The following GNAI1 variants were observed in gnomAD, a reference collection of about 807,000 sequenced individuals.
GNAI1 encodes the protein G protein subunit alpha i1.
A neutral mutation model predicts 38.9 loss-of-function variants in GNAI1; 11 were observed. The observed-to-expected ratio is 0.28, with a 90% CI of 0.18 to 0.47. The LOEUF (loss-of-function observed/expected upper bound fraction) is 0.47, where lower values mean the gene tolerates loss of function less well. Ranked by LOEUF, GNAI1 falls within the 20% of genes least tolerant of loss-of-function variation. The pLI, the probability that GNAI1 is intolerant of heterozygous loss-of-function variation, is 0.99. For synonymous variants in GNAI1, 166 were observed against 145.1 expected (o/e 1.14, Z -1.04); for missense variants, 317 against 436.9 (o/e 0.73, Z 2.45).
intron 4 of GNAI1, among the ~76,000 whole-genome samples, chr7:80,202,406 C>T (rs1412746020): frequency 2.0e-5 from 3 of 152,052 alleles, no homozygotes; most frequent in Non-Finnish European, 4.4e-5. Context: ...CGGTTTTAAG[C>T]AAAGAAATCT....
rs146332459 is a variant in GNAI1 at position 80,214,127 on chromosome 7, G to A, written c.874+1258G>A. Among the ~76,000 whole-genome samples the A allele has an allele frequency of 5.4e-3, 818 of 152,128 alleles. 4 individuals carry two copies. Among genetic ancestry groups the A allele is most frequent in the Non-Finnish European group, 8.8e-3 (600 of 67,994 alleles). On this transcript the variant is annotated intron_variant, in intron 7 of 7. Coordinates refer to ENST00000649796, the MANE Select transcript of GNAI1 (RefSeq NM_002069.6). ...ACATTCAGTGGAACCAAAAGGGGAG[G>A]GTTCTTTGGTAAATATAATCATGTT...
intron 5 of GNAI1, among the ~76,000 whole-genome samples, chr7:80,208,944 TA>T (rs1788826134): frequency 6.6e-6 from 1 of 152,196 alleles, no homozygotes; most frequent in African/African-American, 2.4e-5. Context: ...GAGACCTCAT[TA>T]AAAGCTCCTT....
chr7:80,178,800 G>T (rs933509936), intron 1 of GNAI1, among the ~76,000 whole-genome samples: 8 of 152,044 alleles, frequency 5.3e-5, no homozygotes, highest in African/African-American at 1.9e-4. Flanking sequence ...TATCTCTGAG[G>T]TATACCTGTA....
At chr7:80,203,254 G>A (rs1445468845) in intron 4 of GNAI1, among the ~76,000 whole-genome samples, 3 of 152,052 alleles carry the variant, frequency 2.0e-5, no homozygotes, top group Non-Finnish European at 4.4e-5. Flanking sequence ...TCAGCCTTTG[G>A]GAAGAGCTTT....
chr7:80,197,000 A>G (rs940645304), intron 3 of GNAI1, among the ~76,000 whole-genome samples: 2 of 151,914 alleles, frequency 1.3e-5, no homozygotes, highest in Admixed American at 6.6e-5. Flanking sequence ...CTCATATTGT[A>G]CTTCAGTCTG....
chr7:80,159,137 G>A (rs2116122701), intron 1 of GNAI1, among the ~76,000 whole-genome samples: 1 of 152,212 alleles, frequency 6.6e-6, no homozygotes, highest in African/African-American at 2.4e-5. Context: ...AATTTATCTT[G>A]TGCTGCTGGC....
rs1289659321 is a variant in GNAI1, at chr7:80,223,069, T to C, written c.*5576T>C. Among the ~76,000 whole-genome samples, 1 of 152,212 alleles carries C rather than the reference T, an allele frequency of 6.6e-6. No individual in the cohort carries two copies. Among genetic ancestry groups the C allele is most frequent in the East Asian group, 1.9e-4 (1 of 5,186 alleles). ...ATGAAAAACAGATTGATTGCATGGG[T>C]ACTTGAAATATGGTTTCTAACTGAA... On this transcript the variant is annotated 3_prime_UTR_variant, in exon 8 of 8. Transcript: ENST00000649796.
At chr7:80,175,553 C>CT (rs564032256) in intron 1 of GNAI1, among the ~76,000 whole-genome samples, 3,497 of 132,134 alleles carry the variant, frequency 0.026, 69 homozygotes, top group African/African-American at 0.049. Context: ...CAGATACTGC[C>CT]TTTTTTTTTT....
Position 80,198,438 on chromosome 7 carries a change from T to C in GNAI1, c.304-787T>C, listed in dbSNP as rs560861012. ...TGGTCCACACACTGATTTAGAGTGG[T>C]TGATTACTTGTGGATCAGAATAACC... On this transcript the variant is annotated intron_variant, in intron 3 of 7. Coordinates refer to ENST00000649796, the MANE Select transcript of GNAI1 (RefSeq NM_002069.6). Among the ~76,000 whole-genome samples the C allele has an allele frequency of 3.9e-5, 6 of 152,294 alleles. No homozygotes were observed. In the South Asian group the frequency reaches 1.2e-3, roughly 32 times the overall value.
chr7:80,135,700 G>T, intron 1 of GNAI1: 1 of 531,020 alleles, frequency 1.9e-6, no homozygotes, highest in Non-Finnish European at 2.3e-6. Flanking sequence ...CTTCGTGTGC[G>T]GTGTAGGTTG....
chr7:80,196,038 T>A (rs1000606734), intron 3 of GNAI1, among the ~76,000 whole-genome samples: 1 of 151,966 alleles, frequency 6.6e-6, no homozygotes, highest in Non-Finnish European at 1.5e-5. Flanking sequence ...ATCAAGTGGG[T>A]GACAGCTTTA....
At chr7:80,150,740 T>C (rs370265192) in intron 1 of GNAI1, among the ~76,000 whole-genome samples, 1 of 152,218 alleles carries the variant, frequency 6.6e-6, no homozygotes, top group African/African-American at 2.4e-5. Context: ...ACAGAACTTT[T>C]GTTATTGTAG....
At chr7:80,201,578 A>G (rs1384649516) in intron 4 of GNAI1, among the ~76,000 whole-genome samples, 2 of 152,210 alleles carry the variant, frequency 1.3e-5, no homozygotes, top group East Asian at 3.9e-4. Flanking sequence ...TAAAAAATTT[A>G]GCCAGCATGG....
chr7:80,216,246 G>T (rs979847866), intron 7 of GNAI1, among the ~76,000 whole-genome samples: 5 of 150,676 alleles, frequency 3.3e-5, no homozygotes, highest in South Asian at 4.3e-4. Context: ...CCACCACTCA[G>T]GTCAAGAAAC....
At chr7:80,170,675 T>C (rs1288987391) in intron 1 of GNAI1, among the ~76,000 whole-genome samples, 1 of 152,056 alleles carries the variant, frequency 6.6e-6, no homozygotes, top group Non-Finnish European at 1.5e-5. Context: ...GGAGGTGATA[T>C]ATACTTGTAA....
chr7:80,210,911 ACTT>A (rs1788861461), intron 5 of GNAI1, 55 bp from the exon 6 acceptor site: 1 of 1,509,050 alleles, frequency 6.6e-7, no homozygotes, highest in African/African-American at 1.4e-5. Flanking sequence ...GCATTAAAGA[ACTT>A]CTCAGAGCTT....
chr7:80,222,401 T>TTTTTTTC lies in GNAI1; in HGVS notation c.*4908_*4909insTTTTTTC, dbSNP rs71079104. On this transcript the variant is annotated 3_prime_UTR_variant, in exon 8 of 8. Coordinates refer to ENST00000649796, the MANE Select transcript of GNAI1 (RefSeq NM_002069.6). ...AATTTAATTTTTTTTTTTTTTTTTT[T>TTTTTTTC]CCTGAGACAGAGTTTCGTTCTTGTT... Among the ~76,000 whole-genome samples the TTTTTTTC allele has an allele frequency of 1.5e-5, 2 of 131,950 alleles. No individual in the cohort carries two copies. Among genetic ancestry groups the TTTTTTTC allele is most frequent in the Non-Finnish European group, 3.3e-5 (2 of 60,058 alleles). 86.6% of individuals were successfully genotyped at this position (131,950 alleles called of 152,430 possible).
chr7:80,157,203 T>C (rs1332746334), intron 1 of GNAI1, among the ~76,000 whole-genome samples: 1 of 152,194 alleles, frequency 6.6e-6, no homozygotes, highest in Non-Finnish European at 1.5e-5. Flanking sequence ...ATAGTTGAAA[T>C]CATGTAGTAT....
At position 80,138,459 on chromosome 7, in the gene GNAI1, TA is replaced by T. The variant is rs1308288220; in HGVS notation, c.118+3183del. Among the ~76,000 whole-genome samples the T allele has an allele frequency of 3.3e-5, 5 of 152,330 alleles. No individual in the cohort carries two copies. In the East Asian group the frequency reaches 9.6e-4, roughly 29 times the overall value. ...TTATGCTTATTAGGATGATAATACT[TA>T]ATAGAGAAACATTTTAAAGAAGTAA... is the stretch of plus-strand genomic sequence containing the variant. On this transcript the variant is annotated intron_variant, in intron 1 of 7. Coordinates refer to ENST00000649796, the MANE Select transcript of GNAI1 (RefSeq NM_002069.6).
Sources: gnomAD v4.1 joint callset for allele counts (sites outside exome capture counted in the v4.1 genomes callset) on GRCh38, gnomAD v4.1.1 for gene constraint, MANE v1.5 for transcripts, NCBI Gene and HGNC (gene_info 2026-07-23, HGNC 2026-07-21) for gene names.